The following CCDC102B variants were observed in gnomAD, a reference collection of about 807,000 sequenced individuals.
The protein encoded by CCDC102B is coiled-coil domain containing 102B.
A neutral mutation model predicts 57.4 loss-of-function variants in CCDC102B; 75 were observed. That is an observed-to-expected ratio of 1.31 (90% CI 1.08 to 1.58). The LOEUF is 1.58. Among genes scored for constraint, CCDC102B ranks in the 40% most tolerant of loss-of-function variants. The probability of loss-of-function intolerance (pLI) is 0.00; values close to 1 mark genes in which losing one functional copy is unlikely to be tolerated. For synonymous variants in CCDC102B, 206 were observed against 201.9 expected (o/e 1.02, Z -0.17); for missense variants, 636 against 582.6 (o/e 1.09, Z -0.94).
chr18:68,872,685 A>C (rs1568302984), intron 4 of CCDC102B, among the ~76,000 whole-genome samples: 1 of 151,782 alleles, frequency 6.6e-6, no homozygotes, highest in Admixed American at 6.6e-5. Flanking sequence ...CTCCTTCTCC[A>C]TGTGGCCTCC....
At chr18:68,926,251 GTAAC>G (rs2041470664) in intron 6 of CCDC102B, among the ~76,000 whole-genome samples, 1 of 151,748 alleles carries the variant, frequency 6.6e-6, no homozygotes, top group Admixed American at 6.6e-5. Context: ...CATTCTATCT[GTAAC>G]TAAGATTTAA....
chr18:68,866,562 G>T, intron 4 of CCDC102B: 1 of 212,346 alleles, frequency 4.7e-6, no homozygotes, highest in Non-Finnish European at 9.7e-6. Context: ...TTGCCTCTGA[G>T]CCCAATTTAG....
intron 6 of CCDC102B, among the ~76,000 whole-genome samples, chr18:68,919,547 G>A (rs113106647): frequency 0.011 from 1,732 of 152,212 alleles, 32 homozygotes; most frequent in African/African-American, 0.04. Flanking sequence ...TTAGAGTCAC[G>A]ATACTACTGG....
chr18:68,903,829 A>T (rs778090240), intron 6 of CCDC102B, among the ~76,000 whole-genome samples: 7 of 152,176 alleles, frequency 4.6e-5, no homozygotes, highest in African/African-American at 1.7e-4. Context: ...CCCGGGCAGT[A>T]ATGATGTGTC....
At chr18:68,864,437 C>T (rs942406032) in intron 4 of CCDC102B, among the ~76,000 whole-genome samples, 1 of 151,932 alleles carries the variant, frequency 6.6e-6, no homozygotes, top group African/African-American at 2.4e-5. Flanking sequence ...TTTCATTTTT[C>T]ATGAAAATAA....
chr18:68,832,141 A>G (rs1006981270), intron 1 of CCDC102B, among the ~76,000 whole-genome samples: 1 of 152,072 alleles, frequency 6.6e-6, no homozygotes, highest in African/African-American at 2.4e-5. Context: ...TTCATTTTCT[A>G]TAGATTAAGA....
chr18:68,784,125 C>T (rs932756086), intron 2 of CCDC102B, among the ~76,000 whole-genome samples: 9 of 152,072 alleles, frequency 5.9e-5, no homozygotes, highest in Admixed American at 1.3e-4. Context: ...TCTGGCATTG[C>T]TGTAAAGAAA....
chr18:68,835,462 G>A (rs1599538484), intron 1 of CCDC102B, among the ~76,000 whole-genome samples: 1 of 152,184 alleles, frequency 6.6e-6, no homozygotes, highest in Non-Finnish European at 1.5e-5. Context: ...ACTTAACTCT[G>A]CTTCTCTCAC....
At chr18:68,741,324 A>AT (rs1280797107) in intron 2 of CCDC102B, among the ~76,000 whole-genome samples, 3 of 152,182 alleles carry the variant, frequency 2.0e-5, no homozygotes, top group Non-Finnish European at 4.4e-5. Flanking sequence ...GCTAACATGT[A>AT]TGGGCTGCAC....
At chr18:68,879,753 A>G (rs757595851) in intron 5 of CCDC102B, among the ~76,000 whole-genome samples, 1 of 150,728 alleles carries the variant, frequency 6.6e-6, no homozygotes, top group Non-Finnish European at 1.5e-5. Flanking sequence ...CCACCAGAAT[A>G]GCTAAATACA....
chr18:68,855,774 T>C (rs1327827574), intron 4 of CCDC102B, among the ~76,000 whole-genome samples: 2 of 152,150 alleles, frequency 1.3e-5, no homozygotes, highest in African/African-American at 4.8e-5. Flanking sequence ...ATAGCACTTT[T>C]TTCTGCCACA....
chr18:68,939,994 CATAAT>C (rs769349043), intron 6 of CCDC102B, among the ~76,000 whole-genome samples: 9 of 151,696 alleles, frequency 5.9e-5, no homozygotes, highest in Non-Finnish European at 1.2e-4. Flanking sequence ...CTGTTTCTAA[CATAAT>C]ATATGTTTCA....
chr18:69,056,749 A>T (rs2052825012), downstream of CCDC102B, among the ~76,000 whole-genome samples: 1 of 150,032 alleles, frequency 6.7e-6, no homozygotes, highest in African/African-American at 2.5e-5. Flanking sequence ...GAGATTTTTT[A>T]AAAATTGTAA....
chr18:69,010,901 A>G (rs773445120), intron 6 of CCDC102B, 33 bp from the exon 7 acceptor site: 2 of 1,518,620 alleles, frequency 1.3e-6, no homozygotes, highest in South Asian at 1.3e-5. Context: ...AGAATAGACT[A>G]TAAATAATGT....
chr18:69,053,916 A>G (rs2052769004), intron 7 of CCDC102B, 114 bp from the exon 8 acceptor site: 2 of 786,272 alleles, frequency 2.5e-6, no homozygotes, highest in African/African-American at 1.8e-5. Context: ...GAATACTTAC[A>G]ATCTATTCTC....
At chr18:68,839,113 TA>T in intron 3 of CCDC102B, 187 bp downstream of exon 3, 1 of 602,588 alleles carries the variant, frequency 1.7e-6, no homozygotes, top group Non-Finnish European at 2.9e-6. Context: ...TATAACTTGT[TA>T]GTGTTTTCCA....
chr18:68,789,149 A>G (rs1159758415), intron 2 of CCDC102B, among the ~76,000 whole-genome samples: 1 of 152,146 alleles, frequency 6.6e-6, no homozygotes, highest in Non-Finnish European at 1.5e-5. Context: ...AGAATGTTGA[A>G]TATTGGCCCC....
chr18:69,008,703 A>G (rs2051419178), intron 6 of CCDC102B, among the ~76,000 whole-genome samples: 1 of 152,124 alleles, frequency 6.6e-6, no homozygotes, highest in Non-Finnish European at 1.5e-5. Context: ...CCCTGCATCC[A>G]CACCCTCACC....
At chr18:68,732,447 G>A (rs1417227336) in intron 2 of CCDC102B, among the ~76,000 whole-genome samples, 6 of 151,714 alleles carry the variant, frequency 4.0e-5, no homozygotes, top group Non-Finnish European at 5.9e-5. Context: ...CCAAGTTCAA[G>A]CAATTCTCTG....
Sources: gnomAD v4.1 joint callset for allele counts (sites outside exome capture counted in the v4.1 genomes callset) on GRCh38, gnomAD v4.1.1 for gene constraint, MANE v1.5 for transcripts, NCBI Gene and HGNC (gene_info 2026-07-23, HGNC 2026-07-21) for gene names.